GPC6: variants seen among roughly 807,000 people sequenced by gnomAD.
The protein encoded by GPC6 is glypican 6.
A neutral mutation model predicts 55.2 loss-of-function variants in GPC6; 14 were observed. The observed-to-expected ratio is 0.25, with a 90% CI of 0.17 to 0.40. The LOEUF is 0.40. Among genes scored for constraint, GPC6 ranks in the 10% least tolerant of loss-of-function variants. GPC6 has a pLI of 1.00. For missense variants in GPC6, 641 were observed against 708.5 expected, an observed-to-expected ratio of 0.90 and a Z score of 1.08; for synonymous variants, 278 against 259.6, an observed-to-expected ratio of 1.07 and a Z score of -0.68.
chr13:94,386,665 A>T (rs561122511), intron 7 of GPC6, among the ~76,000 whole-genome samples: 1 of 152,344 alleles, frequency 6.6e-6, no homozygotes, highest in Non-Finnish European at 1.5e-5. Flanking sequence ...TATGAAGCAG[A>T]GATGCTTATT....
intron 1 of GPC6, among the ~76,000 whole-genome samples, chr13:93,269,404 T>A (rs538392893): frequency 6.6e-6 from 1 of 152,338 alleles, no homozygotes; most frequent in Admixed American, 6.5e-5. Context: ...TATTGATTTC[T>A]AATTTTGTAT....
chr13:93,826,853 A>T (rs1274483129), intron 2 of GPC6, among the ~76,000 whole-genome samples: 1 of 152,130 alleles, frequency 6.6e-6, no homozygotes, highest in Non-Finnish European at 1.5e-5. Flanking sequence ...AGGCCACATC[A>T]CACAGACCTT....
Position 93,726,103 on chromosome 13 carries a change from T to TACACACACACACACACAC in GPC6, c.320-104019_320-104002dup, listed in dbSNP as rs71811304. On this transcript the variant is annotated intron_variant, in intron 2 of 8. Coordinates refer to ENST00000377047, the MANE Select transcript of GPC6 (RefSeq NM_005708.5). ...TGCAAAATAAAGACTTTTTCCTTCA[T>TACACACACACACACACAC]ACACACACACACACACACACACACA... Among the ~76,000 whole-genome samples, 188 of 126,856 alleles carry TACACACACACACACACAC rather than the reference T, an allele frequency of 1.5e-3. 2 individuals are homozygous for TACACACACACACACACAC. Among genetic ancestry groups the TACACACACACACACACAC allele is most frequent in the Non-Finnish European group, 2.2e-3 (134 of 59,644 alleles). 83.2% of individuals were successfully genotyped at this position (126,856 alleles called of 152,430 possible).
At chr13:94,178,229 CTT>C (rs969498214) in intron 4 of GPC6, among the ~76,000 whole-genome samples, 1 of 152,058 alleles carries the variant, frequency 6.6e-6, no homozygotes, top group African/African-American at 2.4e-5. Flanking sequence ...GAACTCCTGA[CTT>C]TGTGATCTGC....
chr13:93,443,622 G>A (rs1224658039), intron 1 of GPC6, among the ~76,000 whole-genome samples: 1 of 152,166 alleles, frequency 6.6e-6, no homozygotes, highest in South Asian at 2.1e-4. Context: ...AGTTTAAAAT[G>A]AGAGTGAAAT....
chr13:93,965,736 C>T (rs1194909280), intron 3 of GPC6, among the ~76,000 whole-genome samples: 1 of 152,066 alleles, frequency 6.6e-6, no homozygotes, highest in Admixed American at 6.5e-5. Flanking sequence ...ACATTGAGCC[C>T]TTGTCAAGCC....
At chr13:94,380,493 C>T (rs1332777130) in intron 6 of GPC6, among the ~76,000 whole-genome samples, 1 of 152,140 alleles carries the variant, frequency 6.6e-6, no homozygotes, top group Non-Finnish European at 1.5e-5. Context: ...ATTTTATACT[C>T]TTCATCTAGC....
chr13:93,336,606 T>C (rs928419538), intron 1 of GPC6, among the ~76,000 whole-genome samples: 1 of 152,182 alleles, frequency 6.6e-6, no homozygotes, highest in South Asian at 2.1e-4. Flanking sequence ...GTTGTTTTAT[T>C]TGGAATTTAA....
intron 4 of GPC6, among the ~76,000 whole-genome samples, chr13:94,066,941 G>A (rs949209093): frequency 6.6e-6 from 1 of 152,144 alleles, no homozygotes; most frequent in Non-Finnish European, 1.5e-5. Flanking sequence ...ATACAACTGG[G>A]TAGTTTTAAT....
Position 93,379,863 on chromosome 13 carries a change from C to A in GPC6, c.160+152247C>A, listed in dbSNP as rs1263931590. Reference sequence around the variant, plus strand: ...GGTCAATTAATGAAACAAAAAGGTGCTATCGTCTTTAAAAATACTGGGATT... The same window carrying A: ...GGTCAATTAATGAAACAAAAAGGTGATATCGTCTTTAAAAATACTGGGATT... On this transcript the variant is annotated intron_variant, in intron 1 of 8. Transcript: ENST00000377047. Among the ~76,000 whole-genome samples the A allele has an allele frequency of 2.0e-5, 3 of 150,784 alleles. No individual in the cohort carries two copies. In the East Asian group the frequency reaches 5.8e-4, roughly 29 times the overall value.
intron 3 of GPC6, among the ~76,000 whole-genome samples, chr13:93,860,803 C>A (rs547536018): frequency 2.0e-5 from 3 of 151,670 alleles, no homozygotes; most frequent in Non-Finnish European, 3.0e-5. Flanking sequence ...ACAATTAATT[C>A]TATTGCACAA....
At chr13:94,190,517 A>G (rs936379081) in intron 4 of GPC6, among the ~76,000 whole-genome samples, 1 of 152,184 alleles carries the variant, frequency 6.6e-6, no homozygotes, top group Admixed American at 6.5e-5. Context: ...AGATTGAGGG[A>G]CACTGAGGAC....
chr13:94,015,697 A>C (rs2138704852), intron 3 of GPC6, among the ~76,000 whole-genome samples: 1 of 152,306 alleles, frequency 6.6e-6, no homozygotes, highest in East Asian at 1.9e-4. Flanking sequence ...GGTAGGTTCC[A>C]GCTGCATTTT....
intron 2 of GPC6, among the ~76,000 whole-genome samples, chr13:93,819,821 ACTT>A (rs1251715939): frequency 1.3e-5 from 2 of 152,214 alleles, no homozygotes; most frequent in Non-Finnish European, 2.9e-5. Context: ...AGTCTTTCTT[ACTT>A]TAAAAGATAT....
rs1454566511 is a variant in GPC6, at chr13:93,447,212, A to T, written c.161-98051A>T. ...ATGTTAGTGGCAAAACAGTTACAGT[A>T]TAAAGTTGAGAATTTGTTGCTTCTT... On this transcript the variant is annotated intron_variant, in intron 1 of 8. Transcript: ENST00000377047. Among the ~76,000 whole-genome samples the T allele has an allele frequency of 2.0e-5, 3 of 152,226 alleles. No homozygotes were observed. In the East Asian group the frequency reaches 5.8e-4, roughly 29 times the overall value.
intron 2 of GPC6, among the ~76,000 whole-genome samples, chr13:93,622,740 A>G (rs1006725402): frequency 2.6e-5 from 4 of 152,222 alleles, no homozygotes; most frequent in Non-Finnish European, 5.9e-5. Flanking sequence ...CCTCAAAGAT[A>G]TCATTTATTT....
At position 93,280,090 on chromosome 13, in the gene GPC6, C is replaced by T. The variant is rs74933882; in HGVS notation, c.160+52474C>T. Among the ~76,000 whole-genome samples the T allele has an allele frequency of 8.3e-3, 1,262 of 152,272 alleles. 11 individuals carry two copies. The highest frequency in any genetic ancestry group is 0.013 in the Admixed American group (193 of 15,284). On this transcript the variant is annotated intron_variant, in intron 1 of 8. Transcript: ENST00000377047. ...CATCTGCAGGTATTCTGTACTTCAC[C>T]TGAAGGCATTTTTTCACCCTGTGTG...
chr13:93,324,732 A>G (rs1488362779), intron 1 of GPC6, among the ~76,000 whole-genome samples: 2 of 151,788 alleles, frequency 1.3e-5, no homozygotes, highest in East Asian at 3.9e-4. Flanking sequence ...GTATTGGAGG[A>G]TGTGGCTGTC....
intron 2 of GPC6, among the ~76,000 whole-genome samples, chr13:93,600,507 C>T (rs912061279): frequency 2.0e-5 from 3 of 152,020 alleles, no homozygotes; most frequent in Admixed American, 6.6e-5. Flanking sequence ...CTATCTAAAA[C>T]GTCTCCAGAA....
Sources: allele counts gnomAD v4.1 joint callset (sites outside exome capture counted in the v4.1 genomes callset), GRCh38; gene constraint gnomAD v4.1.1; transcripts MANE v1.5; gene names NCBI Gene and HGNC (gene_info 2026-07-23, HGNC 2026-07-21).